The following KCNMA1 variants were observed in gnomAD, a reference collection of about 807,000 sequenced individuals.
KCNMA1 encodes Calcium-activated potassium channel subunit alpha-1.
KCNMA1 carries 29 observed loss-of-function variants against 140.0 expected under a neutral mutation model. That is an observed-to-expected ratio of 0.21 (90% confidence interval 0.15 to 0.28). The LOEUF (loss-of-function observed/expected upper bound fraction) is 0.28, where lower values mean the gene tolerates loss of function less well. Among genes scored for constraint, KCNMA1 ranks in the 10% least tolerant of loss-of-function variants. KCNMA1 has a pLI of 1.00. For missense variants in KCNMA1, 880 were observed against 1,602.2 expected (o/e 0.55, Z 7.70); for synonymous variants, 612 against 611.9 (o/e 1.00, Z 0.00).
chr10:77,162,278 T>C (rs1564908820), intron 5 of KCNMA1, among the ~76,000 whole-genome samples: 1 of 152,270 alleles, frequency 6.6e-6, no homozygotes, highest in East Asian at 1.9e-4. Flanking sequence ...TCTCAGACAA[T>C]TATGTTCTTG....
chr10:77,059,950 T>A (rs572330955), intron 14 of KCNMA1, among the ~76,000 whole-genome samples: 4 of 152,268 alleles, frequency 2.6e-5, no homozygotes, highest in Admixed American at 2.0e-4. Context: ...CCAATTTTTT[T>A]AAGATGTCAT....
intron 12 of KCNMA1, among the ~76,000 whole-genome samples, chr10:77,080,113 G>A (rs1218070093): frequency 6.6e-6 from 1 of 152,190 alleles, no homozygotes; most frequent in African/African-American, 2.4e-5. Context: ...GGTGGACAGT[G>A]AGAAAGAAAG....
rs373587503 is a variant in KCNMA1 at position 77,633,314 on chromosome 10, CA to C, written c.378+3950del. Reference sequence around the variant, plus strand: ...TGGGTGACAGAGCGAGACTCCATCTCAAAAAAAAAAATTAATAAAAGGAGAG... The same window carrying C: ...TGGGTGACAGAGCGAGACTCCATCTCAAAAAAAAAATTAATAAAAGGAGAG... On this transcript the variant is annotated intron_variant, in intron 1 of 27. Transcript: ENST00000286628. Among the ~76,000 whole-genome samples the C allele has an allele frequency of 4.9e-4, 71 of 144,410 alleles. No individual in the cohort carries two copies. The East Asian group carries it at 7.2e-3, about 15-fold the overall frequency. The allele number at this position is 144,410 out of a possible 152,430, so 94.7% of individuals were successfully genotyped here.
intron 1 of KCNMA1, among the ~76,000 whole-genome samples, chr10:77,571,720 C>T (rs925674586): frequency 1.4e-4 from 22 of 152,094 alleles, no homozygotes; most frequent in African/African-American, 5.3e-4. Context: ...TTCTAAAGGC[C>T]ATGCTTTCAA....
chr10:77,020,583 G>A (rs1395533384), intron 16 of KCNMA1: 1 of 152,202 alleles, frequency 6.6e-6, no homozygotes, highest in Non-Finnish European at 1.5e-5. Context: ...GGCCTGCACT[G>A]AGCAGCGGCT....
In KCNMA1 at chr10:77,508,581, C is replaced by CTTT. The variant is rs761735012; in HGVS notation, c.379-104561_379-104559dup. Among the ~76,000 whole-genome samples, 489 of 99,840 alleles carry CTTT rather than the reference C, an allele frequency of 4.9e-3. 7 individuals carry two copies. Among genetic ancestry groups the CTTT allele is most frequent in the South Asian group, 0.024 (68 of 2,794 alleles). The allele number at this position is 99,840 out of a possible 152,430, so 65.5% of individuals were successfully genotyped here. A position where few individuals can be genotyped will look rare whatever the true frequency, so the allele number is the denominator to read the frequency against. ...TTCCTTTTTCTTTTTTTTTTCTTTT[C>CTTT]TTTTTTTTTTTTTTTTTGTAGAGGT... On this transcript the variant is annotated intron_variant, in intron 1 of 27. Coordinates refer to ENST00000286628, the MANE Select transcript of KCNMA1 (RefSeq NM_001161352.2).
intron 1 of KCNMA1, among the ~76,000 whole-genome samples, chr10:77,480,409 C>T (rs1268898411): frequency 6.6e-6 from 1 of 152,192 alleles, no homozygotes; most frequent in Non-Finnish European, 1.5e-5. Context: ...ACGTGATGGA[C>T]CCCAGTTATC....
intron 2 of KCNMA1, among the ~76,000 whole-genome samples, chr10:77,339,049 G>A (rs2090116990): frequency 6.6e-6 from 1 of 151,960 alleles, no homozygotes; most frequent in South Asian, 2.1e-4. Flanking sequence ...CAACCTTTAT[G>A]TATAAACACA....
At chr10:77,254,375 C>T (rs1056777477) in intron 2 of KCNMA1, among the ~76,000 whole-genome samples, 3 of 152,000 alleles carry the variant, frequency 2.0e-5, no homozygotes, top group Non-Finnish European at 2.9e-5. Flanking sequence ...GTGCCTGCCA[C>T]CATACCCGGC....
At chr10:77,207,150 G>A (rs1431268733) in intron 3 of KCNMA1, among the ~76,000 whole-genome samples, 1 of 151,944 alleles carries the variant, frequency 6.6e-6, no homozygotes, top group Non-Finnish European at 1.5e-5. Flanking sequence ...TCTAGATTAT[G>A]TGAAGAAGAA....
At chr10:77,131,213 G>A (rs1034538362) in intron 5 of KCNMA1, among the ~76,000 whole-genome samples, 1 of 152,178 alleles carries the variant, frequency 6.6e-6, no homozygotes, top group African/African-American at 2.4e-5. Context: ...TTACCGAATA[G>A]AAACACACAG....
chr10:77,234,185 T>C (rs499437), intron 3 of KCNMA1, among the ~76,000 whole-genome samples: 79,389 of 152,002 alleles, frequency 0.52, 21,174 homozygotes, highest in Middle Eastern at 0.66. Context: ...TAACTGATTT[T>C]AACATAATCT....
chr10:77,168,361 ATG>A (rs2098666459), intron 5 of KCNMA1, among the ~76,000 whole-genome samples: 1 of 152,168 alleles, frequency 6.6e-6, no homozygotes, highest in African/African-American at 2.4e-5. Context: ...AATGACAGGG[ATG>A]TGTCATTAGG....
intron 2 of KCNMA1, among the ~76,000 whole-genome samples, chr10:77,360,491 AAG>A (rs1221113481): frequency 6.6e-6 from 1 of 152,202 alleles, no homozygotes; most frequent in African/African-American, 2.4e-5. Flanking sequence ...GAGAAGAAGA[AAG>A]AGTTGAGTCT....
intron 2 of KCNMA1, among the ~76,000 whole-genome samples, chr10:77,272,289 A>G (rs1488046927): frequency 7.9e-5 from 12 of 152,172 alleles, no homozygotes. Context: ...TTTATATACA[A>G]TTGTTGAATG....
intron 9 of KCNMA1, among the ~76,000 whole-genome samples, chr10:77,099,243 A>AC (rs1293076684): frequency 6.6e-6 from 1 of 151,994 alleles, no homozygotes; most frequent in Non-Finnish European, 1.5e-5. Flanking sequence ...TCCCTCCCTA[A>AC]CACCCCTGGT....
At chr10:77,589,426 G>A (rs1256296788) in intron 1 of KCNMA1, among the ~76,000 whole-genome samples, 1 of 152,070 alleles carries the variant, frequency 6.6e-6, no homozygotes, top group Non-Finnish European at 1.5e-5. Flanking sequence ...CACAAACAAC[G>A]TGGCCTCTCC....
intron 25 of KCNMA1, chr10:76,904,502 C>G (rs2046970400): frequency 6.6e-6 from 1 of 151,678 alleles, no homozygotes; most frequent in African/African-American, 2.4e-5. Flanking sequence ...TCTCTTAACA[C>G]TGTTATAATA....
intron 1 of KCNMA1, chr10:77,634,481 G>A (rs1191609597): frequency 2.0e-6 from 2 of 985,248 alleles, no homozygotes; most frequent in Non-Finnish European, 2.4e-6. Context: ...AAAAGGTTTG[G>A]TGCGATCCCA....
Sources: gnomAD v4.1 joint callset for allele counts (sites outside exome capture counted in the v4.1 genomes callset) on GRCh38, gnomAD v4.1.1 for gene constraint, MANE v1.5 for transcripts, NCBI Gene and HGNC (gene_info 2026-07-23, HGNC 2026-07-21) for gene names.